TBCK: variants seen among roughly 807,000 people sequenced by gnomAD.
TBCK encodes the protein TBC domain-containing protein kinase-like protein.
In TBCK, 99 loss-of-function variants were observed where a neutral mutation model predicts 113.4. The ratio of observed to expected loss-of-function variants is 0.87; its 90% CI spans 0.74 to 1.03. The LOEUF (loss-of-function observed/expected upper bound fraction) is 1.03, where lower values mean the gene tolerates loss of function less well. TBCK is among the 50% of genes least tolerant of loss of function. The probability of loss-of-function intolerance (pLI) is 0.00; values close to 1 mark genes in which losing one functional copy is unlikely to be tolerated. For synonymous variants in TBCK, 369 were observed against 370.8 expected (o/e 1.00, Z 0.05); for missense variants, 1,045 against 1,061.3 (o/e 0.98, Z 0.21).
intron 19 of TBCK, among the ~76,000 whole-genome samples, chr4:106,217,285 G>C (rs1372476067): frequency 2.6e-5 from 4 of 152,130 alleles, no homozygotes; most frequent in Non-Finnish European, 5.9e-5. Context: ...AAAACTGGAA[G>C]CATTCCCTTT....
chr4:106,232,829 T>C lies in TBCK; in HGVS notation c.1639+109A>G. 3.6e-6 allele frequency: 4 copies of C among 1,118,834 alleles called. No individual in the cohort carries two copies. In the South Asian group the frequency reaches 5.3e-5, roughly 15 times the overall value. The allele number at this position is 1,118,834 out of a possible 1,614,324, so 69.3% of individuals were successfully genotyped here. On this transcript the variant is annotated intron_variant, in intron 17 of 25. Coordinates refer to ENST00000394708, the MANE Select transcript of TBCK (RefSeq NM_001163435.3). The stretch of plus-strand genomic sequence containing the variant: ...CAAAAAATGAATCAGAGCGTCAATA[T>C]TGACTTTCCCCAAAGACAAGGATGT...
intron 20 of TBCK, among the ~76,000 whole-genome samples, chr4:106,196,584 C>A (rs902156390): frequency 6.6e-6 from 1 of 151,900 alleles, no homozygotes; most frequent in African/African-American, 2.4e-5. Flanking sequence ...TGAAATAAAA[C>A]CCACTCATCT....
At chr4:106,077,703 G>A (rs142297434) in intron 25 of TBCK, among the ~76,000 whole-genome samples, 6 of 152,148 alleles carry the variant, frequency 3.9e-5, no homozygotes, top group Non-Finnish European at 8.8e-5. Context: ...ACAAACACAC[G>A]ATAACAATGG....
At chr4:106,112,233 G>T (rs1279417223) in intron 24 of TBCK, among the ~76,000 whole-genome samples, 1 of 152,150 alleles carries the variant, frequency 6.6e-6, no homozygotes, top group African/African-American at 2.4e-5. Flanking sequence ...GATATCATCA[G>T]GATTCCTTTA....
chr4:106,092,187 A>G (rs983740658), intron 25 of TBCK, among the ~76,000 whole-genome samples: 2 of 152,160 alleles, frequency 1.3e-5, no homozygotes, highest in African/African-American at 4.8e-5. Context: ...TGGTGCATCC[A>G]CAAACCCTGA....
chr4:106,269,050 A>G (rs954741405), intron 3 of TBCK, among the ~76,000 whole-genome samples: 14 of 152,180 alleles, frequency 9.2e-5, no homozygotes, highest in Middle Eastern at 3.2e-3. Flanking sequence ...CTTTCACCTT[A>G]TAAAACCTGA....
intron 16 of TBCK, 40 bp downstream of exon 16, chr4:106,233,548 C>G: frequency 6.5e-7 from 1 of 1,533,994 alleles, no homozygotes; most frequent in Non-Finnish European, 9.0e-7. Context: ...AAATATTTGG[C>G]AGAATTATCT....
At chr4:106,251,155 G>C in intron 6 of TBCK, 4 of 390,422 alleles carry the variant, frequency 1.0e-5, no homozygotes, top group South Asian at 8.0e-5. Context: ...TATAAATTTG[G>C]CAAACTACTT....
At chr4:106,049,165 G>A (rs1034115972) in intron 25 of TBCK, among the ~76,000 whole-genome samples, 3 of 151,954 alleles carry the variant, frequency 2.0e-5, no homozygotes, top group Admixed American at 1.3e-4. Context: ...TCAGTTATTC[G>A]GTCATTCATT....
At chr4:106,207,107 G>C (rs895906758) in intron 20 of TBCK, among the ~76,000 whole-genome samples, 2 of 152,126 alleles carry the variant, frequency 1.3e-5, no homozygotes, top group African/African-American at 4.8e-5. Flanking sequence ...AGACAAAAAT[G>C]ATAAATATCA....
intron 24 of TBCK, among the ~76,000 whole-genome samples, chr4:106,109,018 T>TACACACAC (rs112164356): frequency 0.01 from 1,458 of 140,594 alleles, 23 homozygotes; most frequent in African/African-American, 0.035. Flanking sequence ...GACACACACA[T>TACACACAC]ACACACACAC....
At chr4:106,272,307 G>C (rs1763573378) in intron 3 of TBCK, among the ~76,000 whole-genome samples, 1 of 151,908 alleles carries the variant, frequency 6.6e-6, no homozygotes, top group Non-Finnish European at 1.5e-5. Context: ...CTCAAATATT[G>C]GTTTCTTTCC....
At chr4:106,245,868 T>G (rs549917254) in intron 10 of TBCK, among the ~76,000 whole-genome samples, 47 of 152,302 alleles carry the variant, frequency 3.1e-4, no homozygotes, top group African/African-American at 9.9e-4. Flanking sequence ...GTAGCCCTTA[T>G]GTCCAGCACT....
intron 22 of TBCK, among the ~76,000 whole-genome samples, chr4:106,178,194 C>T (rs963293721): frequency 5.3e-5 from 8 of 151,874 alleles, no homozygotes; most frequent in Admixed American, 3.3e-4. Flanking sequence ...TTACTGAATT[C>T]GCAAATCTGT....
chr4:106,185,133 T>C lies in TBCK; in HGVS notation c.2059+8476A>G, dbSNP rs114390866. The stretch of plus-strand genomic sequence containing the variant: ...AGTTCAATAAGCAGTTTTCGTATGA[T>C]TGATAATTTGCACAGAAGGATTAAA... On this transcript the variant is annotated intron_variant, in intron 22 of 25. Coordinates refer to ENST00000394708, the MANE Select transcript of TBCK (RefSeq NM_001163435.3). Among the ~76,000 whole-genome samples, 1,485 of 152,238 alleles carry C rather than the reference T, an allele frequency of 9.8e-3. 21 individuals are homozygous for C. Among genetic ancestry groups the C allele is most frequent in the African/African-American group, 0.034 (1,411 of 41,550 alleles).
chr4:106,248,044 G>C, intron 9 of TBCK: 3 of 381,212 alleles, frequency 7.9e-6, no homozygotes, highest in Non-Finnish European at 1.4e-5. Context: ...TCAGTTTTCT[G>C]ACCGTAGTTT....
rs543663809 is a variant in TBCK at position 106,199,714 on chromosome 4, A to G, written c.1861-4960T>C. On this transcript the variant is annotated intron_variant, in intron 20 of 25. Coordinates refer to ENST00000394708, the MANE Select transcript of TBCK (RefSeq NM_001163435.3). ...TACTTGACTCCTCTCTTCCTCACACACTGTATATTTGTCACCAGTAGTCCT... is the reference window on the plus strand; with the variant it reads ...TACTTGACTCCTCTCTTCCTCACACGCTGTATATTTGTCACCAGTAGTCCT... Among the ~76,000 whole-genome samples, 5 of 152,084 alleles carry G rather than the reference A, an allele frequency of 3.3e-5. No individual in the cohort carries two copies. In the East Asian group the frequency reaches 7.7e-4, roughly 23 times the overall value.
At chr4:106,298,891 TAAG>T (rs1766617766) in intron 2 of TBCK, among the ~76,000 whole-genome samples, 1 of 152,204 alleles carries the variant, frequency 6.6e-6, no homozygotes, top group Non-Finnish European at 1.5e-5. Flanking sequence ...TTCTGACTGA[TAAG>T]AATCAGATTC....
intron 19 of TBCK, 123 bp from the exon 20 acceptor site, chr4:106,212,958 G>T: frequency 1.6e-6 from 1 of 638,980 alleles, no homozygotes; most frequent in Non-Finnish European, 2.7e-6. Context: ...TACTTTACGT[G>T]ATAATTTTGT....
Sources: gnomAD v4.1 joint callset for allele counts (sites outside exome capture counted in the v4.1 genomes callset) on GRCh38, gnomAD v4.1.1 for gene constraint, MANE v1.5 for transcripts, NCBI Gene and HGNC (gene_info 2026-07-23, HGNC 2026-07-21) for gene names.